Variants in HPSE2 observed in about 807,000 individuals in gnomAD.
The protein encoded by HPSE2 is heparanase 2 (inactive).
Under a neutral mutation model 60.5 loss-of-function variants are expected in HPSE2, and 38 were observed. The observed-to-expected ratio is 0.63, with a 90% CI of 0.48 to 0.82. The LOEUF (loss-of-function observed/expected upper bound fraction) is 0.82. Among genes scored for constraint, HPSE2 ranks in the 40% least tolerant of loss-of-function variants. The probability of loss-of-function intolerance (pLI) is 0.00; values close to 1 mark genes in which losing one functional copy is unlikely to be tolerated. For missense variants in HPSE2, 713 were observed against 740.4 expected (o/e 0.96, Z 0.43); for synonymous variants, 295 against 293.2 (o/e 1.01, Z -0.06).
At chr10:98,803,640 G>A (rs1161785668) in intron 3 of HPSE2, among the ~76,000 whole-genome samples, 5 of 151,078 alleles carry the variant, frequency 3.3e-5, no homozygotes, top group Non-Finnish European at 7.4e-5. Context: ...GTAGATATGC[G>A]GCATTATTTC....
At chr10:99,305,961 A>ATATG in the HPSE2 span, among the ~76,000 whole-genome samples, 18 of 103,050 alleles carry the variant, frequency 1.7e-4, no homozygotes, top group African/African-American at 5.2e-4. Context: ...ACTCACACAC[A>ATATG]CGCGCGCGCG....
chr10:98,886,502 A>T (rs1244332329), intron 3 of HPSE2, among the ~76,000 whole-genome samples: 1 of 152,118 alleles, frequency 6.6e-6, no homozygotes, highest in African/African-American at 2.4e-5. Context: ...GACAGAGGAG[A>T]TACATGCTAA....
intron 11 of HPSE2, among the ~76,000 whole-genome samples, chr10:98,480,246 T>G (rs1941183740): frequency 6.6e-6 from 1 of 152,046 alleles, no homozygotes; most frequent in Non-Finnish European, 1.5e-5. Context: ...CACACCTGGC[T>G]AATTTTTGTA....
In HPSE2 at chr10:98,724,977, T is replaced by G. The variant is rs924103886; in HGVS notation, c.785-3149A>C. Among the ~76,000 whole-genome samples, 11 of 151,964 alleles carry G rather than the reference T, an allele frequency of 7.2e-5. No homozygotes were observed. In the East Asian group the frequency reaches 9.7e-4, roughly 13 times the overall value. On this transcript the variant is annotated intron_variant, in intron 4 of 11. Coordinates refer to ENST00000370552, the MANE Select transcript of HPSE2 (RefSeq NM_021828.5). ...AGGAGAACTACAAACCACTGCTCAATGAAATAAAAGACGATACAAACAAAT... is the reference window on the plus strand; with the variant it reads ...AGGAGAACTACAAACCACTGCTCAAGGAAATAAAAGACGATACAAACAAAT...
intron 3 of HPSE2, among the ~76,000 whole-genome samples, chr10:99,132,226 A>G (rs1845458326): frequency 2.2e-5 from 1 of 45,666 alleles, no homozygotes; most frequent in Admixed American, 2.5e-4. Context: ...AGAGAGAGAG[A>G]GAGAGAGAGA....
intron 3 of HPSE2, among the ~76,000 whole-genome samples, chr10:99,078,230 A>G (rs140762873): frequency 6.6e-6 from 1 of 152,268 alleles, no homozygotes; most frequent in East Asian, 1.9e-4. Context: ...GACCAACACA[A>G]TCATCATTAT....
chr10:98,940,930 T>C (rs1275687920), intron 3 of HPSE2, among the ~76,000 whole-genome samples: 1 of 129,358 alleles, frequency 7.7e-6, no homozygotes, highest in South Asian at 2.3e-4. Context: ...TGGTTCAATA[T>C]ACACAAATCA....
Position 98,482,563 on chromosome 10 carries a change from T to C in HPSE2, c.1613+73A>G, listed in dbSNP as rs1941281214. ...CCCTTGAGAGAATTAGCAGCAACCT[T>C]GGTGTCTTCAGCCTCCCCCTCCCTC... On this transcript the variant is annotated intron_variant, in intron 11 of 11. Transcript: ENST00000370552. The C allele has an allele frequency of 7.0e-6, 11 of 1,575,992 alleles. No homozygotes were observed. In the Admixed American group the frequency reaches 1.7e-4, roughly 24 times the overall value.
chr10:98,821,424 G>T (rs1337605668), intron 3 of HPSE2, among the ~76,000 whole-genome samples: 1 of 152,130 alleles, frequency 6.6e-6, no homozygotes, highest in African/African-American at 2.4e-5. Context: ...TCTCAACATA[G>T]AAAAGGTACA....
intron 2 of HPSE2, among the ~76,000 whole-genome samples, chr10:99,170,832 C>G (rs1318699528): frequency 6.6e-6 from 1 of 152,216 alleles, no homozygotes; most frequent in African/African-American, 2.4e-5. Flanking sequence ...TCTGTTGATT[C>G]AACCAACCAC....
At chr10:99,122,719 C>T (rs369933075) in intron 3 of HPSE2, among the ~76,000 whole-genome samples, 2 of 152,084 alleles carry the variant, frequency 1.3e-5, no homozygotes, top group East Asian at 3.9e-4. Context: ...TGAAAAATAT[C>T]AATCCTTCCC....
intron 2 of HPSE2, among the ~76,000 whole-genome samples, chr10:99,169,497 T>G: frequency 1.3e-5 from 1 of 79,436 alleles, no homozygotes; most frequent in East Asian, 4.2e-4. Flanking sequence ...AGAGCAAGAC[T>G]CCGTCTCAAA....
chr10:98,914,628 A>G (rs1954068305), intron 3 of HPSE2, among the ~76,000 whole-genome samples: 1 of 148,198 alleles, frequency 6.7e-6, no homozygotes, highest in Non-Finnish European at 1.5e-5. Context: ...TCTTACATAT[A>G]GAATAAATGT....
At chr10:99,290,609 T>A in the HPSE2 span, among the ~76,000 whole-genome samples, 1 of 39,496 alleles carries the variant, frequency 2.5e-5, no homozygotes, top group Non-Finnish European at 5.7e-5. Context: ...TTCTCTCTGA[T>A]CACTGCTCCA....
chr10:98,678,821 A>G (rs1947711968), intron 6 of HPSE2, among the ~76,000 whole-genome samples: 1 of 151,934 alleles, frequency 6.6e-6, no homozygotes, highest in Admixed American at 6.6e-5. Flanking sequence ...ATAATCCTAG[A>G]GAGAGAAAAA....
chr10:98,809,506 G>A (rs531925336), intron 3 of HPSE2, among the ~76,000 whole-genome samples: 3 of 150,144 alleles, frequency 2.0e-5, no homozygotes, highest in African/African-American at 7.4e-5. Flanking sequence ...TACAAATTCT[G>A]TATGTATGTG....
chr10:98,879,711 C>T (rs767979484), intron 3 of HPSE2, among the ~76,000 whole-genome samples: 1 of 151,960 alleles, frequency 6.6e-6, no homozygotes, highest in Non-Finnish European at 1.5e-5. Context: ...CATTTTCAGG[C>T]ACAAGTTGAT....
intron 2 of HPSE2, among the ~76,000 whole-genome samples, chr10:99,153,196 G>C (rs1846358399): frequency 6.6e-6 from 1 of 152,124 alleles, no homozygotes; most frequent in Non-Finnish European, 1.5e-5. Context: ...CCATTGCCCA[G>C]GCTTGCTTAG....
intron 3 of HPSE2, among the ~76,000 whole-genome samples, chr10:98,853,474 A>G (rs1276640973): frequency 1.3e-5 from 2 of 151,638 alleles, no homozygotes; most frequent in Admixed American, 6.6e-5. Context: ...TTTTTTTCTC[A>G]TTTTCTTTTT....
Sources: allele counts gnomAD v4.1 joint callset (sites outside exome capture counted in the v4.1 genomes callset), GRCh38; gene constraint gnomAD v4.1.1; transcripts MANE v1.5; gene names NCBI Gene and HGNC (gene_info 2026-07-23, HGNC 2026-07-21).